MED30: variants seen among roughly 807,000 people sequenced by gnomAD.
The protein encoded by MED30 is mediator of RNA polymerase II transcription subunit 30.
Under a neutral mutation model 21.7 loss-of-function variants are expected in MED30, and 8 were observed. That is an observed-to-expected ratio of 0.37 (90% confidence interval 0.22 to 0.67). MED30 has a LOEUF of 0.67. MED30 is among the 30% of genes least tolerant of loss of function. MED30 has a pLI of 0.58. For missense variants in MED30, 203 were observed against 228.2 expected (o/e 0.89, Z 0.71); for synonymous variants, 79 against 86.7 (o/e 0.91, Z 0.49).
At chr8:117,538,271 A>G (rs1405271552) in intron 3 of MED30, among the ~76,000 whole-genome samples, 6 of 152,206 alleles carry the variant, frequency 3.9e-5, no homozygotes. Context: ...TTTAGAGTCG[A>G]GCCCTGTGTA....
At chr8:117,525,291 TA>T (rs1236195058) in intron 1 of MED30, among the ~76,000 whole-genome samples, 4 of 151,952 alleles carry the variant, frequency 2.6e-5, no homozygotes, top group African/African-American at 9.7e-5. Flanking sequence ...TAATTATTTA[TA>T]TTTTTTTCCT....
intron 3 of MED30, among the ~76,000 whole-genome samples, chr8:117,534,086 T>A (rs555759897): frequency 6.6e-6 from 1 of 152,240 alleles, no homozygotes; most frequent in South Asian, 2.1e-4. Flanking sequence ...ATAGTCAATC[T>A]TTTAACCATT....
At chr8:117,523,248 TA>T in intron 1 of MED30, 1 of 1,055,920 alleles carries the variant, frequency 9.5e-7, no homozygotes, top group South Asian at 1.3e-5. Context: ...CAATGCAAAA[TA>T]ATCCTCTCCA....
intron 1 of MED30, among the ~76,000 whole-genome samples, chr8:117,522,187 G>C (rs1818634467): frequency 1.3e-5 from 2 of 152,116 alleles, no homozygotes; most frequent in Admixed American, 1.3e-4. Flanking sequence ...AATTTTGATG[G>C]AATCCAGCTT....
At chr8:117,528,385 T>C (rs1357444855) in intron 1 of MED30, among the ~76,000 whole-genome samples, 1 of 151,888 alleles carries the variant, frequency 6.6e-6, no homozygotes. Flanking sequence ...CTTCAAAAAT[T>C]AAAGGGGAAA....
At chr8:117,521,080 G>A (rs2130806630) in intron 1 of MED30, 27 bp downstream of exon 1, 1 of 1,559,394 alleles carries the variant, frequency 6.4e-7, no homozygotes, top group Non-Finnish European at 8.7e-7. Flanking sequence ...GCGAGGCCAG[G>A]GGGATGCAGC....
At chr8:117,528,944 G>T (rs553659277) in intron 2 of MED30, 135 bp downstream of exon 2, 1 of 623,274 alleles carries the variant, frequency 1.6e-6, no homozygotes, top group Non-Finnish European at 2.6e-6. Flanking sequence ...CTTTTGACCA[G>T]AGAAGATGAA....
At chr8:117,524,944 G>C (rs975703726) in intron 1 of MED30, among the ~76,000 whole-genome samples, 1 of 152,058 alleles carries the variant, frequency 6.6e-6, no homozygotes, top group Non-Finnish European at 1.5e-5. Context: ...ATAGTGTATA[G>C]TTTACACTGC....
chr8:117,534,624 A>G (rs532852803), intron 3 of MED30, among the ~76,000 whole-genome samples: 1 of 152,302 alleles, frequency 6.6e-6, no homozygotes, highest in Admixed American at 6.5e-5. Flanking sequence ...TTTAAAAGAC[A>G]ATTTAGAGGT....
intron 3 of MED30, among the ~76,000 whole-genome samples, chr8:117,537,942 G>A (rs1199234914): frequency 6.6e-6 from 1 of 152,312 alleles, no homozygotes; most frequent in Admixed American, 6.5e-5. Flanking sequence ...TAGAGGCAAA[G>A]TTGGAACTGG....
chr8:117,529,363 G>A (rs1379028657), intron 2 of MED30, among the ~76,000 whole-genome samples: 1 of 151,792 alleles, frequency 6.6e-6, no homozygotes, highest in Non-Finnish European at 1.5e-5. Context: ...AAGGAAGCTG[G>A]TAAGAGATGA....
In MED30 at chr8:117,540,222, G is replaced by GT. The variant is rs562042715; in HGVS notation, c.*251dup. On this transcript the variant is annotated 3_prime_UTR_variant, in exon 4 of 4. Transcript: ENST00000297347. ...GTTAATCTTCATGAATTGAATAATT[G>GT]TTTTTTTAAAGCAAAATAAAGTTTT... The GT allele has an allele frequency of 2.7e-4, 64 of 239,284 alleles. No individual in the cohort carries two copies. In the Admixed American group the frequency reaches 3.0e-3, roughly 11 times the overall value. 14.8% of individuals were successfully genotyped at this position (239,284 alleles called of 1,614,324 possible).
intron 2 of MED30, among the ~76,000 whole-genome samples, chr8:117,529,937 T>C (rs142783626): frequency 6.6e-6 from 1 of 151,772 alleles, no homozygotes; most frequent in African/African-American, 2.4e-5. Context: ...CATGGGTGAG[T>C]TTATATATAT....
Position 117,520,788 on chromosome 8 carries a change from C to G in MED30, c.-89C>G, listed in dbSNP as rs886434072. ...CGCGGGGGGTCTCTCAAGCTGGTTC[C>G]AACGCTGAGGCCCCACAGCCTCCCA... On this transcript the variant is annotated 5_prime_UTR_variant, in exon 1 of 4. Coordinates refer to ENST00000297347, the MANE Select transcript of MED30 (RefSeq NM_080651.4). 24 of 1,350,602 alleles carry G rather than the reference C, an allele frequency of 1.8e-5. No homozygotes were observed. In the Admixed American group the frequency reaches 5.8e-4, roughly 32 times the overall value. The allele number at this position is 1,350,602 out of a possible 1,614,324, so 83.7% of individuals were successfully genotyped here.
intron 1 of MED30, among the ~76,000 whole-genome samples, chr8:117,521,719 T>C (rs1818625421): frequency 6.6e-6 from 1 of 152,160 alleles, no homozygotes; most frequent in African/African-American, 2.4e-5. Flanking sequence ...TTTTTTTGTC[T>C]GAGATCCTTC....
chr8:117,532,965 T>C (rs1409819268), intron 3 of MED30, among the ~76,000 whole-genome samples: 2 of 152,062 alleles, frequency 1.3e-5, no homozygotes, highest in Non-Finnish European at 1.5e-5. Flanking sequence ...AAATGTGTTC[T>C]GCTTATGTTT....
At chr8:117,536,290 A>T (rs1818876751) in intron 3 of MED30, among the ~76,000 whole-genome samples, 1 of 152,204 alleles carries the variant, frequency 6.6e-6, no homozygotes. Flanking sequence ...GTATTGTGCC[A>T]TATTTTTAAT....
At chr8:117,529,925 GA>G (rs749791000) in intron 2 of MED30, among the ~76,000 whole-genome samples, 24 of 152,060 alleles carry the variant, frequency 1.6e-4, no homozygotes, top group Non-Finnish European at 2.8e-4. Context: ...GGAGAATGTA[GA>G]CATGGGTGAG....
chr8:117,531,832 G>A (rs1176317147), intron 3 of MED30, among the ~76,000 whole-genome samples: 1 of 151,818 alleles, frequency 6.6e-6, no homozygotes, highest in East Asian at 1.9e-4. Flanking sequence ...AGAAGTTATA[G>A]CCAGTACAAA....
Sources: allele counts gnomAD v4.1 joint callset (sites outside exome capture counted in the v4.1 genomes callset), GRCh38; gene constraint gnomAD v4.1.1; transcripts MANE v1.5; gene names NCBI Gene and HGNC (gene_info 2026-07-23, HGNC 2026-07-21).